The following MEF2A variants were observed in gnomAD, a reference collection of about 807,000 sequenced individuals.
MEF2A encodes the protein myocyte-specific enhancer factor 2A.
A neutral mutation model predicts 55.8 loss-of-function variants in MEF2A; 28 were observed. The observed-to-expected ratio is 0.50, with a 90% CI of 0.37 to 0.69. The LOEUF is 0.69. Ranked by LOEUF, MEF2A falls within the 30% of genes least tolerant of loss-of-function variation. The pLI, the probability that MEF2A is intolerant of heterozygous loss-of-function variation, is 0.00. For missense variants in MEF2A, 528 were observed against 626.2 expected, an observed-to-expected ratio of 0.84 and a Z score of 1.67; for synonymous variants, 239 against 227.1, an observed-to-expected ratio of 1.05 and a Z score of -0.47.
At chr15:99,675,327 C>G in intron 6 of MEF2A, 72 bp from the exon 7 acceptor site, 3 of 1,269,558 alleles carry the variant, frequency 2.4e-6, no homozygotes, top group East Asian at 2.3e-5. Flanking sequence ...ATTCAGTTCA[C>G]GTTCAGTTAG....
At chr15:99,576,098 T>G (rs1167433904) in intron 1 of MEF2A, among the ~76,000 whole-genome samples, 2 of 152,206 alleles carry the variant, frequency 1.3e-5, no homozygotes, top group Non-Finnish European at 2.9e-5. Flanking sequence ...CTTTATTGGG[T>G]AAGAGTATTT....
chr15:99,656,913 TTTCATCAATCCGA>T (rs1198524476), intron 4 of MEF2A, among the ~76,000 whole-genome samples: 1 of 152,054 alleles, frequency 6.6e-6, no homozygotes, highest in African/African-American at 2.4e-5. Context: ...TCTAGAACAT[TTTCATCAATCCGA>T]AAAGAAACCC....
intron 2 of MEF2A, among the ~76,000 whole-genome samples, chr15:99,599,642 T>C (rs1972331095): frequency 1.3e-5 from 2 of 152,142 alleles, no homozygotes; most frequent in Non-Finnish European, 1.5e-5. Flanking sequence ...AAAGGCCTGT[T>C]TATCCAACTG....
At chr15:99,636,782 A>G (rs1043590773) in intron 3 of MEF2A, among the ~76,000 whole-genome samples, 1 of 151,404 alleles carries the variant, frequency 6.6e-6, no homozygotes, top group Non-Finnish European at 1.5e-5. Flanking sequence ...ATATTCTTCT[A>G]TGCTTTCTTC....
intron 3 of MEF2A, among the ~76,000 whole-genome samples, chr15:99,637,914 A>C (rs191834427): frequency 7.0e-4 from 107 of 152,260 alleles, no homozygotes; most frequent in African/African-American, 2.3e-3. Flanking sequence ...AAGTGTTGGA[A>C]TCACAGGCGT....
chr15:99,686,564 T>A (rs1159470056), intron 7 of MEF2A, among the ~76,000 whole-genome samples: 1 of 152,200 alleles, frequency 6.6e-6, no homozygotes, highest in Non-Finnish European at 1.5e-5. Flanking sequence ...TTCTGGCTTG[T>A]AGGGTTTCTG....
intron 4 of MEF2A, among the ~76,000 whole-genome samples, chr15:99,651,842 T>C (rs947316977): frequency 2.0e-5 from 3 of 152,242 alleles, no homozygotes; most frequent in African/African-American, 7.2e-5. Flanking sequence ...TAGAGGTTCA[T>C]GTCATTGATA....
chr15:99,625,500 T>C (rs959746097), intron 2 of MEF2A, among the ~76,000 whole-genome samples: 10 of 152,158 alleles, frequency 6.6e-5, no homozygotes, highest in Non-Finnish European at 1.3e-4. Context: ...AGCTAGAGCT[T>C]CCATTACAGT....
At position 99,713,625 on chromosome 15, in the gene MEF2A, A is replaced by G. The variant is rs975717855; in HGVS notation, c.*854A>G. 2.6e-5 allele frequency: 4 copies of G among 152,242 alleles called. No individual in the cohort carries two copies. The highest frequency in any genetic ancestry group is 5.9e-5 in the Non-Finnish European group (4 of 68,040). The allele number at this position is 152,242 out of a possible 1,614,324, so 9.4% of individuals were successfully genotyped here. ...CCCTTATGAATTGATGACTATATAT[A>G]AAATTATATTCACTACTTTTGAACA... On this transcript the variant is annotated 3_prime_UTR_variant, in exon 12 of 12. Transcript: ENST00000557942.
chr15:99,571,559 G>C (rs1962310626), intron 1 of MEF2A, among the ~76,000 whole-genome samples: 1 of 152,058 alleles, frequency 6.6e-6, no homozygotes, highest in Non-Finnish European at 1.5e-5. Flanking sequence ...GTCAAAGCCA[G>C]CTATTAGCGC....
chr15:99,676,003 G>A (rs1238295757), intron 7 of MEF2A, among the ~76,000 whole-genome samples: 1 of 151,410 alleles, frequency 6.6e-6, no homozygotes, highest in African/African-American at 2.4e-5. Flanking sequence ...TCGCATCACT[G>A]CACTCCAGCC....
chr15:99,617,169 A>T (rs2040335740), intron 2 of MEF2A, among the ~76,000 whole-genome samples: 1 of 152,100 alleles, frequency 6.6e-6, no homozygotes, highest in Admixed American at 6.5e-5. Context: ...TTTCTTATAA[A>T]GACTGCCATA....
At chr15:99,606,257 G>A (rs756289138) in intron 2 of MEF2A, among the ~76,000 whole-genome samples, 42 of 151,720 alleles carry the variant, frequency 2.8e-4, no homozygotes, top group Non-Finnish European at 5.3e-4. Context: ...AGAATGATTC[G>A]TATATTTCAA....
intron 2 of MEF2A, among the ~76,000 whole-genome samples, chr15:99,615,642 T>C (rs1171421224): frequency 1.3e-5 from 2 of 152,192 alleles, no homozygotes; most frequent in Non-Finnish European, 2.9e-5. Context: ...GAGCTGAGGT[T>C]TGAATGCAGG....
intron 1 of MEF2A, among the ~76,000 whole-genome samples, chr15:99,577,404 T>TGCGGAATACCCGTGA (rs148702516): frequency 3.8e-4 from 58 of 152,086 alleles, no homozygotes; most frequent in Non-Finnish European, 7.1e-4. Context: ...GGCTAGGTGC[T>TGCGGAATACCCGTGA]GCAAGGCTTG....
chr15:99,566,438 C>G (rs1400150712), intron 1 of MEF2A: 1 of 10,406 alleles, frequency 9.6e-5, no homozygotes, highest in African/African-American at 2.6e-4. Flanking sequence ...GAGGGCGGGC[C>G]GGTGGGGCTG....
chr15:99,570,287 A>G (rs1450273490), intron 1 of MEF2A, among the ~76,000 whole-genome samples: 1 of 152,232 alleles, frequency 6.6e-6, no homozygotes, highest in East Asian at 1.9e-4. Flanking sequence ...GTAAATACCA[A>G]CCCGGGCATG....
chr15:99,709,789 T>C (rs1390075920), intron 10 of MEF2A, among the ~76,000 whole-genome samples: 2 of 152,228 alleles, frequency 1.3e-5, no homozygotes, highest in Non-Finnish European at 2.9e-5. Flanking sequence ...AGCATTCATA[T>C]GATATGAGCT....
intron 3 of MEF2A, among the ~76,000 whole-genome samples, chr15:99,637,580 G>C (rs1248396981): frequency 6.6e-6 from 1 of 151,922 alleles, no homozygotes; most frequent in African/African-American, 2.4e-5. Context: ...TTTGCTTTCT[G>C]CCTGCCATGT....
Sources: gnomAD v4.1 joint callset for allele counts (sites outside exome capture counted in the v4.1 genomes callset) on GRCh38, gnomAD v4.1.1 for gene constraint, MANE v1.5 for transcripts, NCBI Gene and HGNC (gene_info 2026-07-23, HGNC 2026-07-21) for gene names.